The following PITPNC1 variants were observed in gnomAD, a reference collection of about 807,000 sequenced individuals.
PITPNC1 encodes the protein cytoplasmic phosphatidylinositol transfer protein 1.
In PITPNC1, 18 loss-of-function variants were observed where a neutral mutation model predicts 44.7. The observed-to-expected ratio is 0.40, with a 90% CI of 0.28 to 0.60. The LOEUF (loss-of-function observed/expected upper bound fraction) is 0.60, where lower values mean the gene tolerates loss of function less well. Among genes scored for constraint, PITPNC1 ranks in the 20% least tolerant of loss-of-function variants. The probability of loss-of-function intolerance (pLI) is 0.39; values close to 1 mark genes in which losing one functional copy is unlikely to be tolerated. For synonymous variants in PITPNC1, 141 were observed against 149.6 expected (o/e 0.94, Z 0.42); for missense variants, 290 against 418.4 (o/e 0.69, Z 2.68).
chr17:67,604,121 G>A (rs988151103), intron 5 of PITPNC1, among the ~76,000 whole-genome samples: 6 of 152,086 alleles, frequency 3.9e-5, no homozygotes, highest in African/African-American at 1.4e-4. Flanking sequence ...GAATTATCGT[G>A]GTAATAACAT....
At chr17:67,386,150 G>A (rs1006279633) in intron 1 of PITPNC1, among the ~76,000 whole-genome samples, 8 of 152,148 alleles carry the variant, frequency 5.3e-5, no homozygotes, top group African/African-American at 1.2e-4. Flanking sequence ...CGTTTCAGGC[G>A]AATGGAGAAT....
chr17:67,598,852 C>G (rs2041493969), intron 5 of PITPNC1, among the ~76,000 whole-genome samples: 1 of 151,318 alleles, frequency 6.6e-6, no homozygotes, highest in Non-Finnish European at 1.5e-5. Flanking sequence ...GAGATCACGC[C>G]ATTGCACTCC....
Position 67,583,865 on chromosome 17 carries a change from T to TGTGTG in PITPNC1, c.366+5608_366+5609insGTGTG, listed in dbSNP as rs1568051977. Among the ~76,000 whole-genome samples the TGTGTG allele has an allele frequency of 7.1e-4, 84 of 118,436 alleles. 1 individual carries two copies. The highest frequency in any genetic ancestry group is 9.0e-3 in the Middle Eastern group (2 of 222). 77.7% of individuals were successfully genotyped at this position (118,436 alleles called of 152,430 possible). ...CGCCCGCCACCACGCCTGGCTAATT[T>TGTGTG]TGTGTGTGTGTGTGTGTGTGTGTGT... On this transcript the variant is annotated intron_variant, in intron 5 of 8. Transcript: ENST00000581322.
chr17:67,378,624 G>C (rs2037908373), intron 1 of PITPNC1, among the ~76,000 whole-genome samples: 2 of 152,152 alleles, frequency 1.3e-5, no homozygotes, highest in South Asian at 4.1e-4. Flanking sequence ...GTAGGGGTGC[G>C]AGGAGGAGCC....
At chr17:67,466,917 C>A (rs7211183) in intron 1 of PITPNC1, among the ~76,000 whole-genome samples, 35,826 of 151,994 alleles carry the variant, frequency 0.24, 7,296 homozygotes, top group African/African-American at 0.55. Flanking sequence ...TAAGAGAAGA[C>A]TATGTTCCTG....
At chr17:67,618,968 A>G (rs1184502066) in intron 5 of PITPNC1, among the ~76,000 whole-genome samples, 1 of 152,096 alleles carries the variant, frequency 6.6e-6, no homozygotes, top group African/African-American at 2.4e-5. Flanking sequence ...CTGAGGCCGA[A>G]GAATGGCGTG....
At chr17:67,443,150 G>T (rs1226718030) in intron 1 of PITPNC1, among the ~76,000 whole-genome samples, 2 of 151,984 alleles carry the variant, frequency 1.3e-5, no homozygotes, top group Non-Finnish European at 1.5e-5. Context: ...ACCCACCAGG[G>T]CGCCTGCCCT....
chr17:67,668,758 A>G (rs917504841), intron 6 of PITPNC1, among the ~76,000 whole-genome samples: 4 of 151,550 alleles, frequency 2.6e-5, no homozygotes, highest in African/African-American at 7.3e-5. Flanking sequence ...GCTACTCGGG[A>G]GGCTAAGACA....
intron 2 of PITPNC1, among the ~76,000 whole-genome samples, chr17:67,543,421 A>G (rs1009513941): frequency 6.6e-6 from 1 of 152,220 alleles, no homozygotes; most frequent in East Asian, 1.9e-4. Context: ...GCACTGTTTT[A>G]TATTCCCACC....
At chr17:67,679,497 A>C (rs1212950802) in intron 8 of PITPNC1, among the ~76,000 whole-genome samples, 1 of 152,236 alleles carries the variant, frequency 6.6e-6, no homozygotes, top group Non-Finnish European at 1.5e-5. Context: ...GGGTAGCTCT[A>C]GATGTCTTTC....
chr17:67,417,673 C>T (rs2038608324), intron 1 of PITPNC1, among the ~76,000 whole-genome samples: 1 of 152,190 alleles, frequency 6.6e-6, no homozygotes, highest in Non-Finnish European at 1.5e-5. Context: ...TCTCAATCAG[C>T]TGCCTCCCAG....
chr17:67,575,908 A>G (rs1598841552), intron 4 of PITPNC1, among the ~76,000 whole-genome samples: 1 of 99,606 alleles, frequency 1.0e-5, no homozygotes, highest in Admixed American at 1.4e-4. Context: ...ACTGAGTCTC[A>G]CTCTGTTGCC....
At chr17:67,643,724 T>C (rs2042115745) in intron 6 of PITPNC1, among the ~76,000 whole-genome samples, 1 of 152,046 alleles carries the variant, frequency 6.6e-6, no homozygotes, top group African/African-American at 2.4e-5. Context: ...GATGGACAGA[T>C]GGGATGGAGA....
intron 4 of PITPNC1, among the ~76,000 whole-genome samples, chr17:67,563,924 T>G (rs2040938647): frequency 6.6e-6 from 1 of 152,042 alleles, no homozygotes; most frequent in South Asian, 2.1e-4. Flanking sequence ...CTAGATTAGA[T>G]ATGTAGATTA....
chr17:67,630,269 C>T (rs1349825217), intron 5 of PITPNC1, among the ~76,000 whole-genome samples: 1 of 152,246 alleles, frequency 6.6e-6, no homozygotes, highest in South Asian at 2.1e-4. Context: ...ATGAGCTAAA[C>T]AGTGGGATGT....
Position 67,695,999 on chromosome 17 carries a change from G to A in PITPNC1, c.*3111G>A, listed in dbSNP as rs1044255788. On this transcript the variant is annotated 3_prime_UTR_variant, in exon 9 of 9. Coordinates refer to ENST00000581322, the MANE Select transcript of PITPNC1 (RefSeq NM_012417.4). ...AAAGGAACACAATGAAGGAGGCCGT[G>A]ACATTTTTAGTTGCCACCGTTGTAA... is the stretch of plus-strand genomic sequence containing the variant. 5 of 152,166 alleles carry A rather than the reference G, an allele frequency of 3.3e-5. No individual in the cohort carries two copies. Among genetic ancestry groups the A allele is most frequent in the African/African-American group, 1.2e-4 (5 of 41,448 alleles). 9.4% of individuals were successfully genotyped at this position (152,166 alleles called of 1,614,324 possible).
At chr17:67,562,341 G>A (rs1477406108) in intron 4 of PITPNC1, among the ~76,000 whole-genome samples, 1 of 152,130 alleles carries the variant, frequency 6.6e-6, no homozygotes, top group Non-Finnish European at 1.5e-5. Flanking sequence ...CTGTTTTCCG[G>A]CTGTGTTTCG....
At chr17:67,656,739 C>T (rs1453535078) in intron 6 of PITPNC1, among the ~76,000 whole-genome samples, 1 of 152,116 alleles carries the variant, frequency 6.6e-6, no homozygotes, top group Non-Finnish European at 1.5e-5. Context: ...GGATTTTTAA[C>T]ATCGGGGATG....
In PITPNC1 at chr17:67,694,014, G is replaced by C. The variant is rs1425598199; in HGVS notation, c.*1126G>C. ...AAGCAACTACTGTCAAGTGGGAGGA[G>C]AGAATGAGCAGAATTGCTGACTCCT... On this transcript the variant is annotated 3_prime_UTR_variant, in exon 9 of 9. Coordinates refer to ENST00000581322, the MANE Select transcript of PITPNC1 (RefSeq NM_012417.4). 6.6e-6 allele frequency: 1 copy of C among 152,254 alleles called. No individual in the cohort carries two copies. Among genetic ancestry groups the C allele is most frequent in the Non-Finnish European group, 1.5e-5 (1 of 68,040 alleles). The allele number at this position is 152,254 out of a possible 1,614,324, so 9.4% of individuals were successfully genotyped here.
Sources: gnomAD v4.1 joint callset for allele counts (sites outside exome capture counted in the v4.1 genomes callset) on GRCh38, gnomAD v4.1.1 for gene constraint, MANE v1.5 for transcripts, NCBI Gene and HGNC (gene_info 2026-07-23, HGNC 2026-07-21) for gene names.